Variants in H1-6 observed in about 807,000 individuals in gnomAD.
The protein encoded by H1-6 is H1.6 linker histone, cluster member.
For missense variants in H1-6, 538 were observed against 246.5 expected, an observed-to-expected ratio of 2.18 and a Z score of -7.92; for synonymous variants, 225 against 100.1, an observed-to-expected ratio of 2.25 and a Z score of -7.45.
At position 26,107,473 on chromosome 6, in the gene H1-6, C is replaced by A. The variant is rs761736078; in HGVS notation, c.621G>T (p.Lys207Asn). 7 of 1,588,110 alleles carry A rather than the reference C, an allele frequency of 4.4e-6. No individual in the cohort carries two copies. In the South Asian group the frequency reaches 5.8e-5, roughly 13 times the overall value. ...EVNVRKATSK[K>N] ...AATTGGCCTCCCGGAAAGCTCTTTA[C>A]TTCTTAGATGTGGCCTTTCTAACAT... is the stretch of plus-strand genomic sequence containing the variant. The change falls in exon 1 of 1, where the codon AAG becomes AAT. Residue 207 changes from lysine to asparagine, a missense_variant. Physicochemically the swap from Lys to Asn is moderately conservative, Grantham distance 94. Coordinates refer to ENST00000338379, the MANE Select transcript of H1-6 (RefSeq NM_005323.4).
At position 26,107,672 on chromosome 6, in the gene H1-6, G is replaced by A. The variant is rs759021080; in HGVS notation, c.422C>T (p.Ser141Phe). 5.0e-6 allele frequency: 8 copies of A among 1,613,998 alleles called. No individual in the cohort carries two copies. Among genetic ancestry groups the A allele is most frequent in the East Asian group, 2.2e-5 (1 of 44,890 alleles). Residue 141 changes from serine (S) to phenylalanine (F), a missense_variant, in exon 1 of 1, where the codon TCC (serine) becomes TTC (phenylalanine). Physicochemically the swap from Ser to Phe is radical, Grantham distance 155. Coordinates refer to ENST00000338379, the MANE Select transcript of H1-6 (RefSeq NM_005323.4). ...KTKKLVLSRD[S>F]KSPKTAKTNK... Reference sequence around the variant, plus strand: ...GGTTTTAGCAGTCTTTGGTGACTTGGAGTCCCTGGATAAAACCAGCTTCTT... The same window carrying A: ...GGTTTTAGCAGTCTTTGGTGACTTGAAGTCCCTGGATAAAACCAGCTTCTT...
In H1-6 at chr6:26,108,101, G is replaced by A. The variant is rs758743520; in HGVS notation, c.-8C>T. 93 of 1,612,226 alleles carry A rather than the reference G, an allele frequency of 5.8e-5. No homozygotes were observed. Among genetic ancestry groups the A allele is most frequent in the Middle Eastern group, 3.5e-4 (2 of 5,732 alleles). ...AGGCACGGTTTCAGACATAACAACA[G>A]AGAAACGCAAGATGTAATAACCAGC... On this transcript the variant is annotated 5_prime_UTR_variant, in exon 1 of 1. Coordinates refer to ENST00000338379, the MANE Select transcript of H1-6 (RefSeq NM_005323.4).
chr6:26,107,771 G>GA lies in H1-6; in HGVS notation c.322dup (p.Ser108PhefsTer3). ...AATCACCTTCTTACTAAGCTTAAAG[G>GA]AACCGGAAGCACCAGTACCCCTGGT... On this transcript the variant is annotated frameshift_variant, in exon 1 of 1. Coordinates refer to ENST00000338379, the MANE Select transcript of H1-6 (RefSeq NM_005323.4). LOFTEE classifies it low-confidence loss of function (END_TRUNC). 6.2e-7 allele frequency: 1 copy of GA among 1,614,178 alleles called. No homozygotes were observed. The highest frequency in any genetic ancestry group is 8.5e-7 in the Non-Finnish European group (1 of 1,180,022).
Position 26,107,953 on chromosome 6 carries a change from C to G in H1-6, c.141G>C (p.Leu47Phe), listed in dbSNP as rs1468571387. The G allele has an allele frequency of 2.5e-6, 4 of 1,614,184 alleles. No individual in the cohort carries two copies. The South Asian group carries it at 3.3e-5, about 13-fold the overall frequency. Reference protein sequence around the residue: ...RKVPNLSVSKLITEALSVSQE... With the variant: ...RKVPNLSVSKFITEALSVSQE... ...GTGACACTGAAAGGGCCTCGGTGAT[C>G]AACTTGGACACAGAGAGGTTCGGCA... The change falls in exon 1 of 1, where the codon TTG becomes TTC. Residue 47 changes from leucine (L) to phenylalanine (F), a missense_variant. Coordinates refer to ENST00000338379, the MANE Select transcript of H1-6 (RefSeq NM_005323.4).
Position 26,107,882 on chromosome 6 carries a change from G to A in H1-6, c.212C>T (p.Ala71Val), listed in dbSNP as rs143328743. The A allele has an allele frequency of 2.8e-5, 46 of 1,614,096 alleles. No individual in the cohort carries two copies. The Admixed American group carries it at 4.8e-4, about 17-fold the overall frequency. The part of the protein sequence containing the change: ...MSLVALKKAL[A>V]AAGYDVEKNN... The stretch of plus-strand genomic sequence containing the variant: ...CTTCTCTACGTCGTAGCCAGCAGCG[G>A]CCAATGCCTTCTTGAGCGCAACCAA... The change falls in exon 1 of 1, where the codon GCC becomes GTC. Residue 71 changes from alanine (A) to valine (V), a missense_variant. Coordinates refer to ENST00000338379, the MANE Select transcript of H1-6 (RefSeq NM_005323.4).
Position 26,108,127 on chromosome 6 carries a change from G to T in H1-6, c.-34C>A, listed in dbSNP as rs181619206. 2.5e-6 allele frequency: 4 copies of T among 1,601,438 alleles called. No individual in the cohort carries two copies. Among genetic ancestry groups the T allele is most frequent in the Non-Finnish European group, 3.4e-6 (4 of 1,173,810 alleles). ...AGAAACGCAAGATGTAATAACCAGC[G>T]AAAAGCATGAAACACCCGGGCGGCC... On this transcript the variant is annotated 5_prime_UTR_variant, in exon 1 of 1. Coordinates refer to ENST00000338379, the MANE Select transcript of H1-6 (RefSeq NM_005323.4).
At position 26,107,984 on chromosome 6, in the gene H1-6, C is replaced by G. The variant is rs760119608; in HGVS notation, c.110G>C (p.Arg37Pro). 2 of 1,614,078 alleles carry G rather than the reference C, an allele frequency of 1.2e-6. No individual in the cohort carries two copies. Among genetic ancestry groups the G allele is most frequent in the African/African-American group, 1.3e-5 (1 of 74,910 alleles). ...GGACACAGAGAGGTTCGGCACTTTGCGACTTGCACTTATCAAGCCAGCCGG... is the reference window on the plus strand; with the variant it reads ...GGACACAGAGAGGTTCGGCACTTTGGGACTTGCACTTATCAAGCCAGCCGG... ...RKPAGLISAS[R>P]KVPNLSVSKL... The change falls in exon 1 of 1, where the codon CGC (arginine) becomes CCC (proline). Residue 37 changes from arginine (R) to proline (P), a missense_variant. Arg to Pro is a moderately radical substitution (Grantham distance 103, BLOSUM62 -2). Coordinates refer to ENST00000338379, the MANE Select transcript of H1-6 (RefSeq NM_005323.4).
chr6:26,107,435 T>G lies in H1-6; in HGVS notation c.*35A>C, dbSNP rs1365872756. 8 of 1,547,412 alleles carry G rather than the reference T, an allele frequency of 5.2e-6. No individual in the cohort carries two copies. The highest frequency in any genetic ancestry group is 5.2e-6 in the Non-Finnish European group (6 of 1,152,700). ...TGTGGGTGGCTCTTAAAAGAGCCTTTGGGTTCTTTCCAAATTGGCCTCCCG... is the reference window on the plus strand; with the variant it reads ...TGTGGGTGGCTCTTAAAAGAGCCTTGGGGTTCTTTCCAAATTGGCCTCCCG... On this transcript the variant is annotated 3_prime_UTR_variant, in exon 1 of 1. Coordinates refer to ENST00000338379, the MANE Select transcript of H1-6 (RefSeq NM_005323.4).
Position 26,108,107 on chromosome 6 carries a change from C to T in H1-6, c.-14G>A. 6.2e-7 allele frequency: 1 copy of T among 1,611,262 alleles called. No individual in the cohort carries two copies. The highest frequency in any genetic ancestry group is 1.1e-5 in the South Asian group (1 of 90,836). On this transcript the variant is annotated 5_prime_UTR_variant, in exon 1 of 1. Coordinates refer to ENST00000338379, the MANE Select transcript of H1-6 (RefSeq NM_005323.4). ...GGTTTCAGACATAACAACAGAGAAACGCAAGATGTAATAACCAGCGAAAAG... is the reference window on the plus strand; with the variant it reads ...GGTTTCAGACATAACAACAGAGAAATGCAAGATGTAATAACCAGCGAAAAG...
rs186768668 is a variant in H1-6 at position 26,107,476 on chromosome 6, C to G, written c.618G>C (p.Lys206Asn). 1 of 1,597,330 alleles carries G rather than the reference C, an allele frequency of 6.3e-7. No homozygotes were observed. Among genetic ancestry groups the G allele is most frequent in the South Asian group, 1.1e-5 (1 of 87,342 alleles). The change falls in exon 1 of 1, where the codon AAG becomes AAC. Residue 206 changes from lysine (K) to asparagine (N), a missense_variant. Lys to Asn is a moderately conservative substitution (Grantham distance 94). Transcript: ENST00000338379. ...TGGCCTCCCGGAAAGCTCTTTACTT[C>G]TTAGATGTGGCCTTTCTAACATTAA... is the stretch of plus-strand genomic sequence containing the variant. Reference protein sequence around the residue: ...HEVNVRKATSKK With the variant: ...HEVNVRKATSNK
At position 26,108,101 on chromosome 6, in the gene H1-6, G is replaced by C. The variant is rs758743520; in HGVS notation, c.-8C>G. ...AGGCACGGTTTCAGACATAACAACA[G>C]AGAAACGCAAGATGTAATAACCAGC... is the stretch of plus-strand genomic sequence containing the variant. On this transcript the variant is annotated 5_prime_UTR_variant, in exon 1 of 1. Transcript: ENST00000338379. The C allele has an allele frequency of 1.5e-5, 24 of 1,612,344 alleles. No homozygotes were observed. Among genetic ancestry groups the C allele is most frequent in the South Asian group, 4.4e-5 (4 of 90,960 alleles).
Position 26,107,829 on chromosome 6 carries a change from T to C in H1-6, c.265A>G (p.Lys89Glu). The C allele has an allele frequency of 1.9e-6, 3 of 1,614,214 alleles. No homozygotes were observed. Among genetic ancestry groups the C allele is most frequent in the Non-Finnish European group, 1.7e-6 (2 of 1,180,030 alleles). The change falls in exon 1 of 1, where the codon AAG becomes GAG. Residue 89 changes from lysine to glutamate, a missense_variant. Lys to Glu is a moderately conservative substitution (Grantham distance 56). Transcript: ENST00000338379. Reference sequence around the variant, plus strand: ...AGGATTCCCTTGTTCACTAAGCTCTTGAGGGACAGTTTGATGCGGCTGTTA... The same window carrying C: ...AGGATTCCCTTGTTCACTAAGCTCTCGAGGGACAGTTTGATGCGGCTGTTA... ...KNNSRIKLSL[K>E]SLVNKGILVQ...
chr6:26,108,020 C>T lies in H1-6; in HGVS notation c.74G>A (p.Arg25Gln), dbSNP rs142806773. The change falls in exon 1 of 1, where the codon CGA (arginine) becomes CAA (glutamine). Residue 25 changes from arginine to glutamine, a missense_variant. Arg to Gln is a conservative substitution (Grantham distance 43, BLOSUM62 1). Coordinates refer to ENST00000338379, the MANE Select transcript of H1-6 (RefSeq NM_005323.4). Reference protein sequence around the residue: ...AAMEKLPTKKRGRKPAGLISA... With the variant: ...AAMEKLPTKKQGRKPAGLISA... The stretch of plus-strand genomic sequence containing the variant: ...TATCAAGCCAGCCGGCTTCCTCCCT[C>T]GCTTCTTGGTTGGAAGTTTCTCCAT... 15 of 1,614,084 alleles carry T rather than the reference C, an allele frequency of 9.3e-6. No individual in the cohort carries two copies. The African/African-American group carries it at 1.2e-4, about 13-fold the overall frequency.
Position 26,107,822 on chromosome 6 carries a change from A to G in H1-6, c.272T>C (p.Leu91Ser). The G allele has an allele frequency of 1.2e-6, 2 of 1,614,214 alleles. No individual in the cohort carries two copies. The highest frequency in any genetic ancestry group is 1.7e-6 in the Non-Finnish European group (2 of 1,180,040). Residue 91 changes from leucine to serine, a missense_variant, in exon 1 of 1, where the codon TTA becomes TCA. By Grantham distance (145) the Leu-to-Ser change is moderately radical. Coordinates refer to ENST00000338379, the MANE Select transcript of H1-6 (RefSeq NM_005323.4). ...NSRIKLSLKS[L>S]VNKGILVQTR... ...TTGCACCAGGATTCCCTTGTTCACT[A>G]AGCTCTTGAGGGACAGTTTGATGCG...
rs745834882 is a variant in H1-6 at position 26,107,460 on chromosome 6, G to A, written c.*10C>T. The A allele has an allele frequency of 7.0e-6, 11 of 1,572,690 alleles. No homozygotes were observed. The highest frequency in any genetic ancestry group is 1.7e-4 in the Middle Eastern group (1 of 5,852). On this transcript the variant is annotated 3_prime_UTR_variant, in exon 1 of 1. Transcript: ENST00000338379. Reference sequence around the variant, plus strand: ...TGGGTTCTTTCCAAATTGGCCTCCCGGAAAGCTCTTTACTTCTTAGATGTG... The same window carrying A: ...TGGGTTCTTTCCAAATTGGCCTCCCAGAAAGCTCTTTACTTCTTAGATGTG...
chr6:26,107,505 C>A lies in H1-6; in HGVS notation c.589G>T (p.Glu197Ter). Residue 197 changes from glutamate to a stop codon, truncating the protein, a stop_gained, in exon 1 of 1, where the codon GAA becomes TAA. Coordinates refer to ENST00000338379, the MANE Select transcript of H1-6 (RefSeq NM_005323.4). LOFTEE classifies it low-confidence loss of function (END_TRUNC). ...GATGTGGCCTTTCTAACATTAACTTCATGATGTTGGGTCAATTTTGACTTC... is the reference window on the plus strand; with the variant it reads ...GATGTGGCCTTTCTAACATTAACTTAATGATGTTGGGTCAATTTTGACTTC... ...ASKSKLTQHH[E>*]VNVRKATSKK is the part of the protein sequence containing the mutation. 3 of 1,608,206 alleles carry A rather than the reference C, an allele frequency of 1.9e-6. No individual in the cohort carries two copies. The highest frequency in any genetic ancestry group is 2.5e-6 in the Non-Finnish European group (3 of 1,178,322).
chr6:26,107,748 T>TCA lies in H1-6; in HGVS notation c.344_345dup (p.Ile116Ter). 1 of 1,614,238 alleles carries TCA rather than the reference T, an allele frequency of 6.2e-7. No homozygotes were observed. The highest frequency in any genetic ancestry group is 2.2e-5 in the East Asian group (1 of 44,888). On this transcript the variant is annotated frameshift_variant, in exon 1 of 1. Coordinates refer to ENST00000338379, the MANE Select transcript of H1-6 (RefSeq NM_005323.4). LOFTEE classifies it low-confidence loss of function (END_TRUNC). ...GCCTTGCTTCTGGTAGATTTAGGAA[T>TCA]CACCTTCTTACTAAGCTTAAAGGAA...
In H1-6 at chr6:26,107,916, C is replaced by T. The variant is rs371331192; in HGVS notation, c.178G>A (p.Gly60Ser). 6 of 1,614,192 alleles carry T rather than the reference C, an allele frequency of 3.7e-6. No homozygotes were observed. Among genetic ancestry groups the T allele is most frequent in the Non-Finnish European group, 5.1e-6 (6 of 1,180,036 alleles). ...EALSVSQERV[G>S]MSLVALKKAL... Reference sequence around the variant, plus strand: ...TTCTTGAGCGCAACCAAAGACATACCTACTCGTTCCTGTGACACTGAAAGG... The same window carrying T: ...TTCTTGAGCGCAACCAAAGACATACTTACTCGTTCCTGTGACACTGAAAGG... The change falls in exon 1 of 1, where the codon GGT becomes AGT. Residue 60 changes from glycine (G) to serine (S), a missense_variant. Gly to Ser is a moderately conservative substitution (Grantham distance 56, BLOSUM62 0). Transcript: ENST00000338379.
Position 26,107,990 on chromosome 6 carries a change from G to C in H1-6, c.104C>G (p.Ala35Gly), listed in dbSNP as rs373751192. 42 of 1,614,114 alleles carry C rather than the reference G, an allele frequency of 2.6e-5. No individual in the cohort carries two copies. The African/African-American group carries it at 2.9e-4, about 11-fold the overall frequency. Residue 35 changes from alanine (A) to glycine (G), a missense_variant, in exon 1 of 1, where the codon GCA becomes GGA. By Grantham distance (60) the Ala-to-Gly change is moderately conservative. Coordinates refer to ENST00000338379, the MANE Select transcript of H1-6 (RefSeq NM_005323.4). ...RGRKPAGLIS[A>G]SRKVPNLSVS... ...AGAGAGGTTCGGCACTTTGCGACTT[G>C]CACTTATCAAGCCAGCCGGCTTCCT... is the stretch of plus-strand genomic sequence containing the variant.
Sources: gnomAD v4.1 joint callset for allele counts on GRCh38, gnomAD v4.1.1 for gene constraint, MANE v1.5 for transcripts, NCBI Gene and HGNC (gene_info 2026-07-23, HGNC 2026-07-21) for gene names.